The following MAK16 variants were observed in gnomAD, a reference collection of about 807,000 sequenced individuals.
MAK16 encodes the protein MAK16 homolog.
In MAK16, 12 loss-of-function variants were observed where a neutral mutation model predicts 49.9. That is an observed-to-expected ratio of 0.24 (90% CI 0.15 to 0.39). The LOEUF is 0.39. MAK16 is among the 10% of genes least tolerant of loss of function. The pLI is 1.00. For synonymous variants in MAK16, 115 were observed against 126.4 expected, an observed-to-expected ratio of 0.91 and a Z score of 0.60; for missense variants, 292 against 363.7, an observed-to-expected ratio of 0.80 and a Z score of 1.60.
At chr8:33,497,380 C>G in intron 9 of MAK16, 83 bp downstream of exon 9, 1 of 1,056,008 alleles carries the variant, frequency 9.5e-7, no homozygotes, top group South Asian at 1.4e-5. Flanking sequence ...GGCCAGGCAC[C>G]GTGGTTCACT....
chr8:33,490,471 C>G (rs2128823755), intron 6 of MAK16, 132 bp downstream of exon 6: 2 of 597,434 alleles, frequency 3.3e-6, no homozygotes, highest in Middle Eastern at 3.4e-4. Context: ...TATTAGTTGC[C>G]TAAGACATTT....
chr8:33,498,295 A>T, intron 9 of MAK16, 137 bp from the exon 10 acceptor site: 2 of 672,658 alleles, frequency 3.0e-6, no homozygotes, highest in Non-Finnish European at 4.6e-6. Flanking sequence ...AAAAAAAATT[A>T]AAGAAAGGGA....
chr8:33,489,219 C>T lies in MAK16; in HGVS notation c.392+80C>T, dbSNP rs576900505. On this transcript the variant is annotated intron_variant, in intron 5 of 9. Transcript: ENST00000360128. This position sits in a 1 kb window ranked among gnomAD's most constrained non-coding sequence, Gnocchi z 4.2. ...TTGAAGTTGAGAAATTGTGAAACTT[C>T]GGGGCTTTCTATTCAACTTTGTGGA... 436 of 1,321,202 alleles carry T rather than the reference C, an allele frequency of 3.3e-4. 1 individual carries two copies. Among genetic ancestry groups the T allele is most frequent in the Admixed American group, 1.6e-3 (75 of 47,934 alleles). 81.8% of individuals were successfully genotyped at this position (1,321,202 alleles called of 1,614,324 possible).
intron 9 of MAK16, among the ~76,000 whole-genome samples, chr8:33,497,767 T>G (rs925136103): frequency 2.0e-5 from 3 of 151,636 alleles, no homozygotes; most frequent in Non-Finnish European, 4.4e-5. Flanking sequence ...GTGCTAAGAT[T>G]AGAGGCATGA....
chr8:33,488,870 C>G (rs1808731267), intron 4 of MAK16, 72 bp downstream of exon 4: 1 of 1,598,030 alleles, frequency 6.3e-7, no homozygotes, highest in East Asian at 2.2e-5. Flanking sequence ...CCATGATGCC[C>G]AATTCCATGA....
chr8:33,492,223 G>C (rs1178851865), intron 6 of MAK16, among the ~76,000 whole-genome samples: 1 of 151,992 alleles, frequency 6.6e-6, no homozygotes, highest in Non-Finnish European at 1.5e-5. Context: ...TGTTGGCCAG[G>C]CTGGTCTCGA....
chr8:33,485,932 T>C (rs759975460), intron 1 of MAK16, among the ~76,000 whole-genome samples: 9 of 152,136 alleles, frequency 5.9e-5, no homozygotes, highest in Non-Finnish European at 1.3e-4. Flanking sequence ...TCAGGGAAGG[T>C]TTCTCTGAAC....
chr8:33,500,243 C>G lies in MAK16; in HGVS notation c.*1614C>G. The G allele has an allele frequency of 6.6e-7, 1 of 1,522,672 alleles. No individual in the cohort carries two copies. The highest frequency in any genetic ancestry group is 2.3e-5 in the East Asian group (1 of 44,152). The allele number at this position is 1,522,672 out of a possible 1,614,324, so 94.3% of individuals were successfully genotyped here. ...ATGTTCATTTCCAGACTTGGTCAGG[C>G]ACATACATAGTAAATTATAATCAAT... is the stretch of plus-strand genomic sequence containing the variant. On this transcript the variant is annotated 3_prime_UTR_variant, in exon 10 of 10. Transcript: ENST00000360128.
Position 33,499,299 on chromosome 8 carries a change from G to T in MAK16, c.*670G>T. 6.4e-7 allele frequency: 1 copy of T among 1,558,438 alleles called. No individual in the cohort carries two copies. The highest frequency in any genetic ancestry group is 8.8e-7 in the Non-Finnish European group (1 of 1,130,836). On this transcript the variant is annotated 3_prime_UTR_variant, in exon 10 of 10. Transcript: ENST00000360128. The stretch of plus-strand genomic sequence containing the variant: ...GACCCTGAAACATGAAACCAAACAG[G>T]CTTTGATATTTTTTTTTTTTTAATT...
At chr8:33,498,266 C>T (rs1202391533) in intron 9 of MAK16, among the ~76,000 whole-genome samples, 166 bp from the exon 10 acceptor site, 6 of 86,576 alleles carry the variant, frequency 6.9e-5, no homozygotes, top group South Asian at 3.4e-4. Flanking sequence ...AGCAAGACCC[C>T]GTCTCAAAAA....
Position 33,500,560 on chromosome 8 carries a change from A to G in MAK16, c.*1931A>G. ...ATTAAAATTGGAAGAGACTTCAAAG[A>G]CTGTCAAGTGGAAAGCTATCATTTC... is the stretch of plus-strand genomic sequence containing the variant. On this transcript the variant is annotated 3_prime_UTR_variant, in exon 10 of 10. Transcript: ENST00000360128. 1 of 1,572,312 alleles carries G rather than the reference A, an allele frequency of 6.4e-7. No individual in the cohort carries two copies. The highest frequency in any genetic ancestry group is 8.7e-7 in the Non-Finnish European group (1 of 1,149,836).
In MAK16 at chr8:33,488,371, C is replaced by A. The variant is rs1011655542; in HGVS notation, c.16-7C>A. 2 of 1,613,956 alleles carry A rather than the reference C, an allele frequency of 1.2e-6. No individual in the cohort carries two copies. Among genetic ancestry groups the A allele is most frequent in the African/African-American group, 2.7e-5 (2 of 74,918 alleles). ...GATTTGAAATGGGCTTTTACTTTGT[C>A]TTGCAGGTTATCTGGGATACACTAG... On this transcript the variant is annotated splice_region_variant and splice_polypyrimidine_tract_variant and intron_variant, in intron 1 of 9. Coordinates refer to ENST00000360128, the MANE Select transcript of MAK16 (RefSeq NM_032509.4).
At chr8:33,496,981 C>G (rs973330357) in intron 8 of MAK16, among the ~76,000 whole-genome samples, 5 of 152,024 alleles carry the variant, frequency 3.3e-5, no homozygotes, top group African/African-American at 1.2e-4. Flanking sequence ...AATTATAAAG[C>G]CTTTCCTGTC....
At position 33,499,343 on chromosome 8, in the gene MAK16, A is replaced by G; in HGVS notation, c.*714A>G. The G allele has an allele frequency of 8.7e-7, 1 of 1,147,630 alleles. No homozygotes were observed. Among genetic ancestry groups the G allele is most frequent in the African/African-American group, 1.5e-5 (1 of 65,452 alleles). 71.1% of individuals were successfully genotyped at this position (1,147,630 alleles called of 1,614,324 possible). The stretch of plus-strand genomic sequence containing the variant: ...TTTAATTACTTTCCCCTTTTGCTTG[A>G]TTCTTCTTCCTTGGTATCATATTCA... On this transcript the variant is annotated 3_prime_UTR_variant, in exon 10 of 10. Transcript: ENST00000360128.
At position 33,493,553 on chromosome 8, in the gene MAK16, G is replaced by A. The variant is rs1277339081; in HGVS notation, c.448-1989G>A. The stretch of plus-strand genomic sequence containing the variant: ...GAGTATGATTTTGTCTTGAAGGGCT[G>A]TCATACATAACTGAGGGATTGTAGA... On this transcript the variant is annotated intron_variant, in intron 6 of 9. Coordinates refer to ENST00000360128, the MANE Select transcript of MAK16 (RefSeq NM_032509.4). Among the ~76,000 whole-genome samples, 4 of 152,178 alleles carry A rather than the reference G, an allele frequency of 2.6e-5. No homozygotes were observed. The East Asian group carries it at 7.7e-4, about 29-fold the overall frequency.
At position 33,489,642 on chromosome 8, in the gene MAK16, C is replaced by T. The variant is rs1014388169; in HGVS notation, c.392+503C>T. ...CGATCCGCCTTAGCCTCCCAAAGTGCTGGGATTACAGGCATGAGCCACCAT... is the reference window on the plus strand; with the variant it reads ...CGATCCGCCTTAGCCTCCCAAAGTGTTGGGATTACAGGCATGAGCCACCAT... On this transcript the variant is annotated intron_variant, in intron 5 of 9. Coordinates refer to ENST00000360128, the MANE Select transcript of MAK16 (RefSeq NM_032509.4). This position sits in a 1 kb window ranked among gnomAD's most constrained non-coding sequence, Gnocchi z 4.2. 6.6e-6 allele frequency among the ~76,000 whole-genome samples: 1 copy of T among 152,156 alleles called. No individual in the cohort carries two copies.
In MAK16 at chr8:33,489,374, T is replaced by C. The variant is rs1021828416; in HGVS notation, c.392+235T>C. 31 of 445,108 alleles carry C rather than the reference T, an allele frequency of 7.0e-5. 1 individual carries two copies. The highest frequency in any genetic ancestry group is 3.8e-4 in the South Asian group (12 of 31,550). The allele number at this position is 445,108 out of a possible 1,614,324, so 27.6% of individuals were successfully genotyped here. ...CCTTGTCTGAAAATCTTTCAGAAAA[T>C]TTTATTTTCTTTTTTGTTAAGACGG... is the stretch of plus-strand genomic sequence containing the variant. On this transcript the variant is annotated intron_variant, in intron 5 of 9. Coordinates refer to ENST00000360128, the MANE Select transcript of MAK16 (RefSeq NM_032509.4). The surrounding 1 kb of genome is among the most constrained non-coding windows in gnomAD (Gnocchi z 4.2).
intron 1 of MAK16, 22 bp downstream of exon 1, chr8:33,485,243 T>G: frequency 6.2e-7 from 1 of 1,614,144 alleles, no homozygotes; most frequent in South Asian, 1.1e-5. Context: ...CCGGTTGTTC[T>G]TACACCCGGG....
At chr8:33,491,741 C>A (rs1047303923) in intron 6 of MAK16, among the ~76,000 whole-genome samples, 2 of 143,346 alleles carry the variant, frequency 1.4e-5, no homozygotes, top group African/African-American at 2.6e-5. Flanking sequence ...TCAAGTGATT[C>A]TCATGCCTCA....
Sources: gnomAD v4.1 joint callset for allele counts (sites outside exome capture counted in the v4.1 genomes callset) on GRCh38, gnomAD v4.1.1 for gene constraint, Gnocchi (gnomAD v3.1) non-coding constraint, MANE v1.5 for transcripts, NCBI Gene and HGNC (gene_info 2026-07-23, HGNC 2026-07-21) for gene names.